The following MAP2K6 variants were observed in gnomAD, a reference collection of about 807,000 sequenced individuals.
MAP2K6 encodes the protein mitogen-activated protein kinase kinase 6.
In MAP2K6, 16 loss-of-function variants were observed where a neutral mutation model predicts 53.7. The observed-to-expected ratio is 0.30, with a 90% CI of 0.20 to 0.45. The LOEUF is 0.45. MAP2K6 is among the 20% of genes least tolerant of loss of function. MAP2K6 has a pLI of 1.00. For synonymous variants in MAP2K6, 132 were observed against 143.1 expected (o/e 0.92, Z 0.55); for missense variants, 204 against 411.9 (o/e 0.50, Z 4.37).
chr17:69,502,808 C>T, intron 1 of MAP2K6: 1 of 612,536 alleles, frequency 1.6e-6, no homozygotes, highest in South Asian at 7.2e-5. Flanking sequence ...TCTTTTATTC[C>T]TTTGGTCTCT....
chr17:69,491,183 G>A (rs1436953427), intron 1 of MAP2K6, among the ~76,000 whole-genome samples: 7 of 143,008 alleles, frequency 4.9e-5, no homozygotes, highest in East Asian at 2.2e-4. Flanking sequence ...TCACTCTATC[G>A]CCCAGGCTGG....
In MAP2K6 at chr17:69,468,970, T is replaced by C. The variant is rs78978518; in HGVS notation, c.17-36810T>C. The stretch of plus-strand genomic sequence containing the variant: ...GAGAGTGATTAATGCACAGAGCAAT[T>C]GAACAAGTCATGGGAGATGGGATCA... On this transcript the variant is annotated intron_variant, in intron 1 of 11. Transcript: ENST00000590474. Among the ~76,000 whole-genome samples, 184 of 152,314 alleles carry C rather than the reference T, an allele frequency of 1.2e-3. 3 individuals are homozygous for C. In the East Asian group the frequency reaches 0.024, roughly 20 times the overall value.
chr17:69,436,314 T>G lies in MAP2K6; in HGVS notation c.16+21314T>G, dbSNP rs140895191. 7.7e-3 allele frequency among the ~76,000 whole-genome samples: 1,178 copies of G among 152,238 alleles called. 13 individuals carry two copies. The highest frequency in any genetic ancestry group is 0.024 in the African/African-American group (1,004 of 41,542). ...CTAATAGGTAGGGTTAAATGAAAAT[T>G]GATAAAAAAAATACTATAATTATTT... On this transcript the variant is annotated intron_variant, in intron 1 of 11. Transcript: ENST00000590474.
chr17:69,445,455 C>A (rs1180972989), intron 1 of MAP2K6, among the ~76,000 whole-genome samples: 2 of 152,150 alleles, frequency 1.3e-5, no homozygotes, highest in Non-Finnish European at 1.5e-5. Flanking sequence ...GATTTGTGAA[C>A]AATTTTCAGA....
intron 10 of MAP2K6, 183 bp from the exon 11 acceptor site, chr17:69,535,932 C>A: frequency 1.8e-6 from 1 of 546,702 alleles, no homozygotes; most frequent in Non-Finnish European, 3.3e-6. Flanking sequence ...CATTAAGGCA[C>A]AACCAGGGTG....
intron 1 of MAP2K6, among the ~76,000 whole-genome samples, chr17:69,482,931 G>T (rs575755417): frequency 1.3e-5 from 2 of 151,894 alleles, no homozygotes; most frequent in South Asian, 4.2e-4. Context: ...CGAGGAGATG[G>T]CAGTAGTTTC....
intron 1 of MAP2K6, chr17:69,477,252 T>G (rs1338950615): frequency 6.6e-6 from 1 of 152,222 alleles, no homozygotes; most frequent in Non-Finnish European, 1.5e-5. Flanking sequence ...ACAACTGATG[T>G]TCAATCCCAT....
At chr17:69,529,873 C>T (rs1032962094) in intron 10 of MAP2K6, among the ~76,000 whole-genome samples, 1 of 152,146 alleles carries the variant, frequency 6.6e-6, no homozygotes, top group Non-Finnish European at 1.5e-5. Flanking sequence ...CATCATTGCT[C>T]TTCATATAAT....
At chr17:69,452,681 C>A (rs926678178) in intron 1 of MAP2K6, among the ~76,000 whole-genome samples, 3 of 152,140 alleles carry the variant, frequency 2.0e-5, no homozygotes, top group African/African-American at 7.2e-5. Context: ...GGGGCTCTTA[C>A]AATAGCCTCT....
intron 2 of MAP2K6, among the ~76,000 whole-genome samples, chr17:69,511,698 G>A (rs895744211): frequency 5.3e-5 from 8 of 152,216 alleles, no homozygotes; most frequent in Admixed American, 1.3e-4. Flanking sequence ...ATAGCTTCAT[G>A]GGTAAGAGTT....
At chr17:69,488,409 T>A (rs1908625635) in intron 1 of MAP2K6, among the ~76,000 whole-genome samples, 1 of 152,124 alleles carries the variant, frequency 6.6e-6, no homozygotes, top group Admixed American at 6.5e-5. Context: ...GACCTAGCAA[T>A]CCCATTGCTG....
rs1911713575 is a variant in MAP2K6 at position 69,542,985 on chromosome 17, A to G, written c.*1232A>G. The G allele has an allele frequency of 6.6e-6, 1 of 152,224 alleles. No individual in the cohort carries two copies. The highest frequency in any genetic ancestry group is 1.5e-5 in the Non-Finnish European group (1 of 68,042). 9.4% of individuals were successfully genotyped at this position (152,224 alleles called of 1,614,324 possible). On this transcript the variant is annotated 3_prime_UTR_variant, in exon 12 of 12. Transcript: ENST00000590474. ...TGACCACAAGTTGCGTTGAGGCCGCATCTTTCTTCAGCAGCGTGCAATAGC... is the reference window on the plus strand; with the variant it reads ...TGACCACAAGTTGCGTTGAGGCCGCGTCTTTCTTCAGCAGCGTGCAATAGC...
At chr17:69,509,813 C>G (rs1407668744) in intron 2 of MAP2K6, among the ~76,000 whole-genome samples, 2 of 151,864 alleles carry the variant, frequency 1.3e-5, no homozygotes, top group Non-Finnish European at 2.9e-5. Context: ...TATAAAACCT[C>G]TCAGTATACT....
chr17:69,457,021 A>G (rs1219294419), intron 1 of MAP2K6, among the ~76,000 whole-genome samples: 1 of 152,150 alleles, frequency 6.6e-6, no homozygotes, highest in African/African-American at 2.4e-5. Flanking sequence ...ACGTTTTTGC[A>G]TATGCTGTTC....
intron 1 of MAP2K6, among the ~76,000 whole-genome samples, chr17:69,420,354 G>A (rs1418868810): frequency 6.6e-6 from 1 of 152,108 alleles, no homozygotes; most frequent in African/African-American, 2.4e-5. Context: ...CCTGTGCAAT[G>A]CCTAATCACA....
chr17:69,488,116 C>A lies in MAP2K6; in HGVS notation c.17-17664C>A, dbSNP rs550039084. Among the ~76,000 whole-genome samples, 53 of 152,130 alleles carry A rather than the reference C, an allele frequency of 3.5e-4. No individual in the cohort carries two copies. In the South Asian group the frequency reaches 0.01, roughly 30 times the overall value. ...GAAACTTAATTCAACAAGCAAAAAA[C>A]AAATAACCTCATTAAAAAGTGGGCA... On this transcript the variant is annotated intron_variant, in intron 1 of 11. Transcript: ENST00000590474.
At chr17:69,468,942 G>A (rs1176998487) in intron 1 of MAP2K6, among the ~76,000 whole-genome samples, 5 of 152,244 alleles carry the variant, frequency 3.3e-5, no homozygotes, top group Non-Finnish European at 7.3e-5. Flanking sequence ...CTGAACACTA[G>A]AAGAGAGTGA....
chr17:69,499,788 GA>G (rs1285870005), intron 1 of MAP2K6, among the ~76,000 whole-genome samples: 1 of 152,236 alleles, frequency 6.6e-6, no homozygotes, highest in African/African-American at 2.4e-5. Flanking sequence ...TAGATTGTGA[GA>G]AAAGGTTTGC....
chr17:69,423,224 G>A (rs2041329831), intron 1 of MAP2K6, among the ~76,000 whole-genome samples: 1 of 152,042 alleles, frequency 6.6e-6, no homozygotes. Context: ...AGCGAAGATG[G>A]TTTTCCCATT....
Sources: gnomAD v4.1 joint callset for allele counts (sites outside exome capture counted in the v4.1 genomes callset) on GRCh38, gnomAD v4.1.1 for gene constraint, MANE v1.5 for transcripts, NCBI Gene and HGNC (gene_info 2026-07-23, HGNC 2026-07-21) for gene names.